Variants in RIMBP2 observed in about 807,000 individuals in gnomAD.
RIMBP2 encodes the protein RIMS-binding protein 2.
In RIMBP2, 48 loss-of-function variants were observed where a neutral mutation model predicts 118.6. The ratio of observed to expected loss-of-function variants is 0.40; its 90% CI spans 0.32 to 0.51. The LOEUF is 0.51. RIMBP2 is among the 20% of genes least tolerant of loss of function. The pLI is 0.41. For synonymous variants in RIMBP2, 762 were observed against 742.9 expected (o/e 1.03, Z -0.42); for missense variants, 1,551 against 1,768.3 (o/e 0.88, Z 2.20).
At chr12:130,463,058 G>A (rs1247278515) in intron 6 of RIMBP2, among the ~76,000 whole-genome samples, 2 of 152,234 alleles carry the variant, frequency 1.3e-5, no homozygotes, top group African/African-American at 2.4e-5. Flanking sequence ...TGACTGCCAG[G>A]GGGGTCCCTG....
At chr12:130,615,276 C>CATATATGTGTATATATATATATAT (rs1555309136) in intron 2 of RIMBP2, among the ~76,000 whole-genome samples, 6 of 100,264 alleles carry the variant, frequency 6.0e-5, no homozygotes, top group African/African-American at 2.0e-4. Context: ...AATACACATA[C>CATATATGTGTATATATATATATAT]ATATATATAT....
At chr12:130,615,276 CATAT>C (rs202186208) in intron 2 of RIMBP2, among the ~76,000 whole-genome samples, 8 of 100,262 alleles carry the variant, frequency 8.0e-5, no homozygotes, top group East Asian at 3.2e-4. Flanking sequence ...AATACACATA[CATAT>C]ATATATATAT....
intron 4 of RIMBP2, among the ~76,000 whole-genome samples, chr12:130,503,803 G>GT (rs1304712814): frequency 6.6e-6 from 1 of 152,212 alleles, no homozygotes; most frequent in African/African-American, 2.4e-5. Flanking sequence ...GAATCTTGGA[G>GT]TAACTATGTT....
Position 130,422,961 on chromosome 12 carries a change from A to T in RIMBP2, c.3130-400T>A, listed in dbSNP as rs1217034604. Among the ~76,000 whole-genome samples the T allele has an allele frequency of 2.6e-5, 4 of 152,288 alleles. No individual in the cohort carries two copies. The South Asian group carries it at 6.2e-4, about 24-fold the overall frequency. Reference sequence around the variant, plus strand: ...CTCCCAGCTGTCACGAAAGTGGGGAAGATGTTGCAGTTCCTCCTGTCCTGC... The same window carrying T: ...CTCCCAGCTGTCACGAAAGTGGGGATGATGTTGCAGTTCCTCCTGTCCTGC... On this transcript the variant is annotated intron_variant, in intron 16 of 22. Transcript: ENST00000690449. This position sits in a 1 kb window ranked among gnomAD's most constrained non-coding sequence, Gnocchi z 5.2.
intron 2 of RIMBP2, among the ~76,000 whole-genome samples, chr12:130,546,290 A>G (rs991200125): frequency 2.0e-5 from 3 of 146,726 alleles, no homozygotes; most frequent in African/African-American, 7.6e-5. Flanking sequence ...GTTTTTTGTT[A>G]GTTAGTTAAT....
chr12:130,414,331 C>T (rs1258507487), intron 17 of RIMBP2, 25 bp from the exon 18 acceptor site: 2 of 1,549,482 alleles, frequency 1.3e-6, no homozygotes, highest in Non-Finnish European at 1.7e-6. Context: ...GGGTGAAGAA[C>T]AGAGCGGCAG....
chr12:130,685,974 C>A (rs1416262047), intron 1 of RIMBP2, among the ~76,000 whole-genome samples: 1 of 152,138 alleles, frequency 6.6e-6, no homozygotes, highest in African/African-American at 2.4e-5. Flanking sequence ...CCCCCAGCAT[C>A]CCCCCGGGGA....
chr12:130,447,539 G>C lies in RIMBP2; in HGVS notation c.582-2270C>G, dbSNP rs1180442560. On this transcript the variant is annotated intron_variant, in intron 9 of 22. Transcript: ENST00000690449. This position sits in a 1 kb window ranked among gnomAD's most constrained non-coding sequence, Gnocchi z 4.4. ...AATGGGTTCTTGAGGGGCGATGGGA[G>C]ACGAGGGACAGGTGATCACTGATGG... 6.6e-6 allele frequency among the ~76,000 whole-genome samples: 1 copy of C among 152,244 alleles called. No individual in the cohort carries two copies. Among genetic ancestry groups the C allele is most frequent in the African/African-American group, 2.4e-5 (1 of 41,538 alleles).
Position 130,623,192 on chromosome 12 carries a change from A to T in RIMBP2, c.-217+5130T>A, listed in dbSNP as rs147980965. ...TTAAAAAGCATATTATGATGAACACACACATGTATTCCCCTTTAGCTTTTT... is the reference window on the plus strand; with the variant it reads ...TTAAAAAGCATATTATGATGAACACTCACATGTATTCCCCTTTAGCTTTTT... On this transcript the variant is annotated intron_variant, in intron 2 of 22. Transcript: ENST00000690449. The surrounding 1 kb of genome is among the most constrained non-coding windows in gnomAD (Gnocchi z 4.1). Among the ~76,000 whole-genome samples, 620 of 152,308 alleles carry T rather than the reference A, an allele frequency of 4.1e-3. 5 individuals carry two copies. The highest frequency in any genetic ancestry group is 0.014 in the African/African-American group (590 of 41,554).
At position 130,552,339 on chromosome 12, in the gene RIMBP2, T is replaced by C. The variant is rs569598619; in HGVS notation, c.-216-34422A>G. Reference sequence around the variant, plus strand: ...ATAAGCAAAGTTACCTTAAGACAAATCATGTTTTCTTTCCAAAAGTCACTT... The same window carrying C: ...ATAAGCAAAGTTACCTTAAGACAAACCATGTTTTCTTTCCAAAAGTCACTT... On this transcript the variant is annotated intron_variant, in intron 2 of 22. Transcript: ENST00000690449. Among the ~76,000 whole-genome samples the C allele has an allele frequency of 2.6e-5, 4 of 152,276 alleles. No individual in the cohort carries two copies. In the South Asian group the frequency reaches 8.3e-4, roughly 32 times the overall value.
Position 130,442,558 on chromosome 12 carries a change from T to A in RIMBP2, c.794A>T (p.Asp265Val), listed in dbSNP as rs761228119. 17 of 1,614,058 alleles carry A rather than the reference T, an allele frequency of 1.1e-5. No homozygotes were observed. Among genetic ancestry groups the A allele is most frequent in the Non-Finnish European group, 1.4e-5 (17 of 1,180,046 alleles). Residue 265 changes from aspartate to valine, a missense_variant, in exon 11 of 23, where the codon GAT (aspartate) becomes GTT (valine). Transcript: ENST00000690449. This position sits in a 1 kb window ranked among gnomAD's most constrained non-coding sequence, Gnocchi z 6.9. ...RLASTLGNEQ[D>V]QNFINHSGIG... ...GCCGGAATGGTTGATGAAGTTCTGA[T>A]CCTGCTCGTTCCCCAGCGTGCTTGC... is the stretch of plus-strand genomic sequence containing the variant.
At chr12:130,634,318 T>A (rs1355452105) in intron 1 of RIMBP2, among the ~76,000 whole-genome samples, 1 of 152,190 alleles carries the variant, frequency 6.6e-6, no homozygotes, top group Non-Finnish European at 1.5e-5. Context: ...GGAAGGAATC[T>A]GAAGCAAGAA....
rs1414325400 is a variant in RIMBP2 at position 130,511,605 on chromosome 12, G to C, written c.-126-4835C>G. On this transcript the variant is annotated intron_variant, in intron 3 of 22. Transcript: ENST00000690449. This position sits in a 1 kb window ranked among gnomAD's most constrained non-coding sequence, Gnocchi z 4.3. The stretch of plus-strand genomic sequence containing the variant: ...ACCCTGCCTGCACCTCCTTAAGAAT[G>C]CTTAGCAACCCTCAATTGCTTTTGG... Among the ~76,000 whole-genome samples, 1 of 152,144 alleles carries C rather than the reference G, an allele frequency of 6.6e-6. No individual in the cohort carries two copies. The highest frequency in any genetic ancestry group is 1.5e-5 in the Non-Finnish European group (1 of 68,032).
intron 14 of RIMBP2, chr12:130,430,004 TA>T (rs1313266337): frequency 6.6e-6 from 1 of 152,214 alleles, no homozygotes; most frequent in Non-Finnish European, 1.5e-5. Context: ...AGCAGTGAGC[TA>T]GGGGTCAACT....
chr12:130,514,779 G>C (rs2051270812), intron 3 of RIMBP2, among the ~76,000 whole-genome samples: 2 of 152,226 alleles, frequency 1.3e-5, no homozygotes, highest in Admixed American at 6.5e-5. Context: ...ACCTCAGTGT[G>C]AGTGAGTTTA....
chr12:130,612,055 A>G (rs1208210909), intron 2 of RIMBP2, among the ~76,000 whole-genome samples: 1 of 152,202 alleles, frequency 6.6e-6, no homozygotes, highest in Non-Finnish European at 1.5e-5. Flanking sequence ...GGATCTGGGC[A>G]GCAGATCCAA....
intron 2 of RIMBP2, among the ~76,000 whole-genome samples, chr12:130,585,672 T>C (rs1323190986): frequency 6.6e-6 from 1 of 150,946 alleles, no homozygotes; most frequent in Admixed American, 6.6e-5. Flanking sequence ...CATGAGAATC[T>C]GGTTTTCTAA....
intron 1 of RIMBP2, among the ~76,000 whole-genome samples, chr12:130,690,736 G>C (rs1476416332): frequency 2.0e-5 from 3 of 152,144 alleles, no homozygotes; most frequent in African/African-American, 7.2e-5. Flanking sequence ...CGAGGAAAAT[G>C]ACAAAAGGTC....
chr12:130,485,643 T>C (rs747531756), intron 4 of RIMBP2, among the ~76,000 whole-genome samples: 2 of 152,232 alleles, frequency 1.3e-5, no homozygotes, highest in Non-Finnish European at 2.9e-5. Context: ...ATCATCTTTA[T>C]TTAGTTCTGG....
Sources: allele counts gnomAD v4.1 joint callset (sites outside exome capture counted in the v4.1 genomes callset), GRCh38; gene constraint gnomAD v4.1.1; non-coding constraint Gnocchi (gnomAD v3.1); transcripts MANE v1.5; gene names NCBI Gene and HGNC (gene_info 2026-07-23, HGNC 2026-07-21).